IFT122: variants seen among roughly 807,000 people sequenced by gnomAD.
The protein encoded by IFT122 is intraflagellar transport protein 122 homolog.
In IFT122, 118 loss-of-function variants were observed where a neutral mutation model predicts 161.6. The ratio of observed to expected loss-of-function variants is 0.73; its 90% confidence interval spans 0.63 to 0.85. The LOEUF is 0.85. Among genes scored for constraint, IFT122 ranks in the 40% least tolerant of loss-of-function variants. IFT122 has a pLI of 0.00. For synonymous variants in IFT122, 550 were observed against 602.4 expected (o/e 0.91, Z 1.27); for missense variants, 1,381 against 1,579.6 (o/e 0.87, Z 2.13).
chr3:129,507,911 G>T (rs1013846845), intron 23 of IFT122, 149 bp downstream of exon 23: 5 of 681,748 alleles, frequency 7.3e-6, no homozygotes, highest in Non-Finnish European at 1.1e-5. Context: ...GGAAGAAAAA[G>T]TTTGAGTTTC....
Position 129,450,548 on chromosome 3 carries a change from A to G in IFT122, c.108+611A>G, listed in dbSNP as rs556200824. ...AGACTGATTAATCTCCATTCTTTGTATGGTTAACTACATAATCTTAAAACA... is the reference window on the plus strand; with the variant it reads ...AGACTGATTAATCTCCATTCTTTGTGTGGTTAACTACATAATCTTAAAACA... On this transcript the variant is annotated intron_variant, in intron 2 of 29. Coordinates refer to ENST00000348417, the MANE Select transcript of IFT122 (RefSeq NM_052989.3). Among the ~76,000 whole-genome samples the G allele has an allele frequency of 2.8e-4, 42 of 152,198 alleles. 1 individual carries two copies. The South Asian group carries it at 6.2e-3, about 23-fold the overall frequency.
chr3:129,488,148 C>G, intron 15 of IFT122, 109 bp from the exon 16 acceptor site: 1 of 1,588,022 alleles, frequency 6.3e-7, no homozygotes, highest in Admixed American at 1.7e-5. Context: ...GGCTGCTCCC[C>G]AGGCATGGGT....
rs1383559617 is a variant in IFT122, at chr3:129,480,375, C to T, written c.1488+453C>T. Among the ~76,000 whole-genome samples the T allele has an allele frequency of 5.3e-5, 8 of 152,288 alleles. No individual in the cohort carries two copies. The South Asian group carries it at 1.0e-3, about 20-fold the overall frequency. On this transcript the variant is annotated intron_variant, in intron 13 of 29. Transcript: ENST00000348417. Reference sequence around the variant, plus strand: ...ATAGATGTCATAAGCAAAATGGGCCCTTTGGCCAGTTAGATGTGGGATATC... The same window carrying T: ...ATAGATGTCATAAGCAAAATGGGCCTTTTGGCCAGTTAGATGTGGGATATC...
chr3:129,461,121 T>C (rs2076171893), intron 4 of IFT122, 107 bp from the exon 5 acceptor site: 1 of 997,540 alleles, frequency 1.0e-6, no homozygotes, highest in Admixed American at 1.8e-5. Context: ...CAGAAGAGCA[T>C]GTGGTCTAAA....
chr3:129,479,970 A>T (rs749557658), intron 13 of IFT122, 48 bp downstream of exon 13: 1 of 1,610,640 alleles, frequency 6.2e-7, no homozygotes, highest in Non-Finnish European at 8.5e-7. Flanking sequence ...CTGCATGCAC[A>T]CGTGGGTGAC....
intron 21 of IFT122, 61 bp downstream of exon 21, chr3:129,504,482 A>G: frequency 4.4e-6 from 6 of 1,364,078 alleles, no homozygotes; most frequent in South Asian, 2.3e-5. Context: ...CAAGACATAC[A>G]TTTCAGGAAG....
chr3:129,440,316 G>T lies in IFT122; in HGVS notation c.-15G>T, dbSNP rs1190231196. On this transcript the variant is annotated 5_prime_UTR_variant, in exon 1 of 30. Coordinates refer to ENST00000348417, the MANE Select transcript of IFT122 (RefSeq NM_052989.3). ...GAGGCGGGTAGGAGGAGCCCGAGCCGTAAGGGAAGCCGTGATGAGGGCCGT... is the reference window on the plus strand; with the variant it reads ...GAGGCGGGTAGGAGGAGCCCGAGCCTTAAGGGAAGCCGTGATGAGGGCCGT... 6.4e-7 allele frequency: 1 copy of T among 1,550,714 alleles called. No homozygotes were observed. Among genetic ancestry groups the T allele is most frequent in the Admixed American group, 2.0e-5 (1 of 51,012 alleles).
At chr3:129,447,015 T>C (rs1201874566) in intron 1 of IFT122, among the ~76,000 whole-genome samples, 1 of 152,214 alleles carries the variant, frequency 6.6e-6, no homozygotes. Context: ...TGAAAAATCT[T>C]TGTAATATGG....
chr3:129,488,017 G>A, intron 15 of IFT122: 4 of 600,750 alleles, frequency 6.7e-6, no homozygotes, highest in Non-Finnish European at 1.2e-5. Flanking sequence ...GTGGGAAGGA[G>A]GGGAGGATGG....
At chr3:129,495,878 C>T (rs2080779976) in intron 18 of IFT122, among the ~76,000 whole-genome samples, 1 of 152,220 alleles carries the variant, frequency 6.6e-6, no homozygotes, top group African/African-American at 2.4e-5. Context: ...GGGTCTACAC[C>T]AGCACAATCC....
chr3:129,454,556 T>TGTGTGTGTGTGTGC (rs1023661478), intron 3 of IFT122, among the ~76,000 whole-genome samples: 3 of 150,188 alleles, frequency 2.0e-5, no homozygotes, highest in African/African-American at 7.4e-5. Context: ...TGTGTGTGTG[T>TGTGTGTGTGTGTGC]GCATGTTTGA....
chr3:129,461,269 C>T lies in IFT122; in HGVS notation c.314C>T (p.Thr105Ile), dbSNP rs2076187496. Reference sequence around the variant, plus strand: ...CAATGTGTCTCCTACAATCCTATTACTCATCAACTGGCATCTTGTTCCTCC... The same window carrying T: ...CAATGTGTCTCCTACAATCCTATTATTCATCAACTGGCATCTTGTTCCTCC... ...AIQCVSYNPI[T>I]HQLASCSSSD... The change falls in exon 5 of 30, where the codon ACT becomes ATT. Residue 105 changes from threonine to isoleucine, a missense_variant. Around this residue, in one of 7 missense-constraint regions of IFT122, gnomAD observed 134 missense variants for 137.4 expected, o/e 0.98. Transcript: ENST00000348417. 4 of 1,613,704 alleles carry T rather than the reference C, an allele frequency of 2.5e-6. No homozygotes were observed. Among genetic ancestry groups the T allele is most frequent in the Non-Finnish European group, 3.4e-6 (4 of 1,179,584 alleles).
At chr3:129,519,513 A>T in intron 28 of IFT122, 55 bp from the exon 29 acceptor site, 1 of 1,604,722 alleles carries the variant, frequency 6.2e-7, no homozygotes, top group Non-Finnish European at 8.5e-7. Context: ...ATCCACACAG[A>T]TGTCTCACTG....
intron 23 of IFT122, among the ~76,000 whole-genome samples, chr3:129,510,885 G>C (rs2082744282): frequency 6.6e-6 from 1 of 152,272 alleles, no homozygotes; most frequent in Admixed American, 6.5e-5. Flanking sequence ...GTCAGTCCCA[G>C]TCTAGCAAAC....
At chr3:129,450,370 T>C (rs1171990575) in intron 2 of IFT122, among the ~76,000 whole-genome samples, 1 of 152,214 alleles carries the variant, frequency 6.6e-6, no homozygotes, top group Non-Finnish European at 1.5e-5. Flanking sequence ...GTCCTATTTT[T>C]CATATTTTCA....
chr3:129,456,192 CTG>C (rs1184490704), intron 3 of IFT122: 1 of 1,252,992 alleles, frequency 8.0e-7, no homozygotes, highest in Non-Finnish European at 1.0e-6. Context: ...CCCAGAGACT[CTG>C]AGCCCAAAGC....
At chr3:129,457,001 G>C (rs2075583111) in intron 3 of IFT122, among the ~76,000 whole-genome samples, 1 of 152,200 alleles carries the variant, frequency 6.6e-6, no homozygotes, top group African/African-American at 2.4e-5. Flanking sequence ...TGTTTCAGAT[G>C]AAGGCATTGA....
rs111503076 is a variant in IFT122 at position 129,455,329 on chromosome 3, T to C, written c.194-3270T>C. On this transcript the variant is annotated intron_variant, in intron 3 of 29. Coordinates refer to ENST00000348417, the MANE Select transcript of IFT122 (RefSeq NM_052989.3). The stretch of plus-strand genomic sequence containing the variant: ...CTGGGACTACAGGCACGCGCCACCA[T>C]GCCTAGCTAATTTTTGTATTTTCAG... Among the ~76,000 whole-genome samples, 627 of 152,104 alleles carry C rather than the reference T, an allele frequency of 4.1e-3. 5 individuals are homozygous for C. Among genetic ancestry groups the C allele is most frequent in the African/African-American group, 0.015 (610 of 41,490 alleles).
At chr3:129,443,236 AGAT>A in intron 1 of IFT122, among the ~76,000 whole-genome samples, 1 of 152,256 alleles carries the variant, frequency 6.6e-6, no homozygotes, top group Admixed American at 6.5e-5. Context: ...GGGCTGGGTC[AGAT>A]GATGCAGGAA....
Sources: gnomAD v4.1 joint callset for allele counts (sites outside exome capture counted in the v4.1 genomes callset) on GRCh38, gnomAD v4.1.1 for gene constraint, gnomAD v4.1.1 regional missense constraint, MANE v1.5 for transcripts, NCBI Gene and HGNC (gene_info 2026-07-23, HGNC 2026-07-21) for gene names.